Variants in VPS18 observed in about 807,000 individuals in gnomAD.
VPS18 encodes vacuolar protein sorting-associated protein 18 homolog.
Under a neutral mutation model 82.0 loss-of-function variants are expected in VPS18, and 25 were observed. The ratio of observed to expected loss-of-function variants is 0.30; its 90% confidence interval spans 0.22 to 0.43. The LOEUF (loss-of-function observed/expected upper bound fraction) is 0.43. VPS18 is among the 20% of genes least tolerant of loss of function. The pLI, the probability that VPS18 is intolerant of heterozygous loss-of-function variation, is 1.00. For missense variants in VPS18, 1,168 were observed against 1,311.1 expected, an observed-to-expected ratio of 0.89 and a Z score of 1.69; for synonymous variants, 523 against 543.0, an observed-to-expected ratio of 0.96 and a Z score of 0.51.
chr15:40,897,580 C>T (rs1250246650), intron 2 of VPS18, among the ~76,000 whole-genome samples: 3 of 152,162 alleles, frequency 2.0e-5, no homozygotes, highest in African/African-American at 7.2e-5. Flanking sequence ...CTTTATACAT[C>T]TTTGCATCGA....
At chr15:40,895,826 G>A (rs3743036) in intron 1 of VPS18, 112 bp from the exon 2 acceptor site, 1 of 1,436,648 alleles carries the variant, frequency 7.0e-7, no homozygotes. Flanking sequence ...AGGTCCTGGG[G>A]ATAGGAATAT....
At position 40,900,078 on chromosome 15, in the gene VPS18, C is replaced by G; in HGVS notation, c.1260C>G (p.Asp420Glu). Residue 420 changes from aspartate to glutamate, a missense_variant, in exon 4 of 5, where the codon GAC becomes GAG. Asp to Glu is a conservative substitution (Grantham distance 45). Around this residue, in one of 3 missense-constraint regions of VPS18, gnomAD observed 868 missense variants for 939.8 expected, o/e 0.92. Transcript: ENST00000220509. The surrounding 1 kb of genome is among the most constrained non-coding windows in gnomAD (Gnocchi z 5.4). ...AAGAGTATTGTCGAGAGCGGCCCGACTGCCTGGACACGGTCCTGGCCCGGG... is the reference window on the plus strand; with the variant it reads ...AAGAGTATTGTCGAGAGCGGCCCGAGTGCCTGGACACGGTCCTGGCCCGGG... Reference protein sequence around the residue: ...LAKEYCRERPDCLDTVLAREA... With the variant: ...LAKEYCRERPECLDTVLAREA... The G allele has an allele frequency of 6.2e-7, 1 of 1,613,894 alleles. No homozygotes were observed. The highest frequency in any genetic ancestry group is 1.1e-5 in the South Asian group (1 of 91,080).
chr15:40,895,864 G>T lies in VPS18; in HGVS notation c.92-74G>T, dbSNP rs79336396. 677 of 1,591,846 alleles carry T rather than the reference G, an allele frequency of 4.3e-4. 3 individuals are homozygous for T. Among genetic ancestry groups the T allele is most frequent in the Non-Finnish European group, 5.2e-4 (610 of 1,163,302 alleles). Reference sequence around the variant, plus strand: ...CAGGAAAGTGGCGAGGAGCACTGTGGTGTTTTTTCTGCCTCTCCTTGCCCT... The same window carrying T: ...CAGGAAAGTGGCGAGGAGCACTGTGTTGTTTTTTCTGCCTCTCCTTGCCCT... On this transcript the variant is annotated intron_variant, in intron 1 of 4. Transcript: ENST00000220509.
intron 2 of VPS18, among the ~76,000 whole-genome samples, chr15:40,897,849 C>A (rs1892255437): frequency 2.0e-5 from 3 of 152,176 alleles, no homozygotes. Context: ...TCCTTCAAGT[C>A]TGATTCTTTT....
In VPS18 at chr15:40,899,532, G is replaced by A. The variant is rs1047948125; in HGVS notation, c.714G>A (p.Gly238=). Residue 238 remains glycine (G), a synonymous_variant, in exon 4 of 5, where the codon GGG becomes GGA. Coordinates refer to ENST00000220509, the MANE Select transcript of VPS18 (RefSeq NM_020857.3). The surrounding 1 kb of genome is among the most constrained non-coding windows in gnomAD (Gnocchi z 4.4). ...LFQFIGRAAE[G]AEAQGFSGLF... Reference sequence around the variant, plus strand: ...AGTTCATAGGCCGAGCAGCAGAGGGGGCTGAGGCCCAGGGTTTCTCAGGGC... The same window carrying A: ...AGTTCATAGGCCGAGCAGCAGAGGGAGCTGAGGCCCAGGGTTTCTCAGGGC... The A allele has an allele frequency of 6.2e-7, 1 of 1,609,860 alleles. No homozygotes were observed. Among genetic ancestry groups the A allele is most frequent in the Non-Finnish European group, 8.5e-7 (1 of 1,180,022 alleles).
chr15:40,898,355 C>A (rs1179361131), intron 2 of VPS18, among the ~76,000 whole-genome samples: 1 of 151,852 alleles, frequency 6.6e-6, no homozygotes, highest in Admixed American at 6.6e-5. Context: ...CGCCTCTGTG[C>A]CCCTAAAAGC....
At position 40,902,696 on chromosome 15, in the gene VPS18, C is replaced by T. The variant is rs201535334; in HGVS notation, c.2277C>T (p.Ile759=). The T allele has an allele frequency of 1.1e-5, 18 of 1,614,280 alleles. No individual in the cohort carries two copies. The highest frequency in any genetic ancestry group is 6.7e-5 in the East Asian group (3 of 44,892). The change falls in exon 5 of 5, where the codon ATC becomes ATT. Residue 759 remains isoleucine (I), a synonymous_variant. Transcript: ENST00000220509. The surrounding 1 kb of genome is among the most constrained non-coding windows in gnomAD (Gnocchi z 4.2). ...TGCGCAAGAAGCTGTGGCTGAAGATCGCACGGCACGTGGTGCAGGAAGAGG... is the reference window on the plus strand; with the variant it reads ...TGCGCAAGAAGCTGTGGCTGAAGATTGCACGGCACGTGGTGCAGGAAGAGG... ...EELRKKLWLK[I]ARHVVQEEED...
rs1024215048 is a variant in VPS18, at chr15:40,900,626, T to C, written c.1808T>C (p.Ile603Thr). 1.9e-6 allele frequency: 3 copies of C among 1,614,034 alleles called. No homozygotes were observed. Among genetic ancestry groups the C allele is most frequent in the East Asian group, 2.2e-5 (1 of 44,866 alleles). ...TTCTACAAGTTCTCACCCATCCTCA[T>C]CCGTCACATCCCCCGCCAGCTTGTA... ...QLFYKFSPIL[I>T]RHIPRQLVDA... The change falls in exon 4 of 5, where the codon ATC (isoleucine) becomes ACC (threonine). Residue 603 changes from isoleucine (I) to threonine (T), a missense_variant. Physicochemically the swap from Ile to Thr is moderately conservative, Grantham distance 89. Coordinates refer to ENST00000220509, the MANE Select transcript of VPS18 (RefSeq NM_020857.3). The surrounding 1 kb of genome is among the most constrained non-coding windows in gnomAD (Gnocchi z 5.4).
At position 40,899,136 on chromosome 15, in the gene VPS18, C is replaced by T. The variant is rs1417718334; in HGVS notation, c.326-8C>T. ...ATCCACTGGGGCGCCATGCTCTCCC[C>T]ACTCCAGGCTCTCACCTGCTGATTG... On this transcript the variant is annotated splice_polypyrimidine_tract_variant and splice_region_variant and intron_variant, in intron 3 of 4. Transcript: ENST00000220509. The surrounding 1 kb of genome is among the most constrained non-coding windows in gnomAD (Gnocchi z 4.4). 5.6e-6 allele frequency: 9 copies of T among 1,609,452 alleles called. No individual in the cohort carries two copies. The highest frequency in any genetic ancestry group is 4.0e-5 in the African/African-American group (3 of 74,860).
Position 40,895,804 on chromosome 15 carries a change from A to G in VPS18, c.92-134A>G, listed in dbSNP as rs558348378. 4.0e-6 allele frequency: 5 copies of G among 1,249,352 alleles called. No homozygotes were observed. The African/African-American group carries it at 6.0e-5, about 15-fold the overall frequency. The allele number at this position is 1,249,352 out of a possible 1,614,324, so 77.4% of individuals were successfully genotyped here. A position where few individuals can be genotyped will look rare whatever the true frequency, so the allele number is the denominator to read the frequency against. ...CCAGCAAACGACTTGATATCAAACT[A>G]TTTGTTAACCAAGGTCCTGGGGATA... is the stretch of plus-strand genomic sequence containing the variant. On this transcript the variant is annotated intron_variant, in intron 1 of 4. Coordinates refer to ENST00000220509, the MANE Select transcript of VPS18 (RefSeq NM_020857.3).
rs1001471293 is a variant in VPS18, at chr15:40,901,354, C to T, written c.2196+340C>T. 9.9e-5 allele frequency among the ~76,000 whole-genome samples: 15 copies of T among 152,212 alleles called. No homozygotes were observed. The South Asian group carries it at 1.0e-3, about 11-fold the overall frequency. On this transcript the variant is annotated intron_variant, in intron 4 of 4. Coordinates refer to ENST00000220509, the MANE Select transcript of VPS18 (RefSeq NM_020857.3). ...GGCTTGCGCCAGCACTTTGGGAGGC[C>T]GAGGTGGGCGGATCACAAGGTCAGG... is the stretch of plus-strand genomic sequence containing the variant.
In VPS18 at chr15:40,903,084, G is replaced by C; in HGVS notation, c.2665G>C (p.Ala889Pro). Residue 889 changes from alanine to proline, a missense_variant, in exon 5 of 5, where the codon GCC becomes CCC. Transcript: ENST00000220509. ...GCAGGCTGTGCGACCTGGCCTGCCA[G>C]CCTACAAGCAGGCCCGGCTGGAGGA... ...LLQAVRPGLP[A>P]YKQARLEELQ... The C allele has an allele frequency of 6.2e-7, 1 of 1,613,982 alleles. No homozygotes were observed. Among genetic ancestry groups the C allele is most frequent in the Non-Finnish European group, 8.5e-7 (1 of 1,179,934 alleles).
At position 40,896,024 on chromosome 15, in the gene VPS18, C is replaced by G. The variant is rs746504657; in HGVS notation, c.178C>G (p.Leu60Val). 1.9e-6 allele frequency: 3 copies of G among 1,614,212 alleles called. No homozygotes were observed. In the South Asian group the frequency reaches 3.3e-5, roughly 18 times the overall value. The change falls in exon 2 of 5, where the codon CTT (leucine) becomes GTT (valine). Residue 60 changes from leucine to valine, a missense_variant. By Grantham distance (32) the Leu-to-Val change is conservative. Around this residue, in one of 3 missense-constraint regions of VPS18, gnomAD observed 868 missense variants for 939.8 expected, o/e 0.92. Coordinates refer to ENST00000220509, the MANE Select transcript of VPS18 (RefSeq NM_020857.3). ...CACCCCTTCCGAGCGCATTACCAGT[C>G]TTGTCGTCTCCAGCAATCAGCTGTG... ...DFTPSERITSLVVSSNQLCMS... is the reference protein window; with the variant it reads ...DFTPSERITSVVVSSNQLCMS...
chr15:40,899,270 T>G lies in VPS18; in HGVS notation c.452T>G (p.Leu151Arg). The change falls in exon 4 of 5, where the codon CTG becomes CGG. Residue 151 changes from leucine (L) to arginine (R), a missense_variant. Coordinates refer to ENST00000220509, the MANE Select transcript of VPS18 (RefSeq NM_020857.3). This position sits in a 1 kb window ranked among gnomAD's most constrained non-coding sequence, Gnocchi z 4.4. ...LVESVGWNKA[L>R]GTESSTGPIL... The stretch of plus-strand genomic sequence containing the variant: ...GAGAGTGTGGGTTGGAACAAGGCAC[T>G]GGGCACGGAGAGCAGCACAGGCCCC... 1 of 1,614,194 alleles carries G rather than the reference T, an allele frequency of 6.2e-7. No individual in the cohort carries two copies. The highest frequency in any genetic ancestry group is 8.5e-7 in the Non-Finnish European group (1 of 1,180,030).
chr15:40,899,680 A>T lies in VPS18; in HGVS notation c.862A>T (p.Met288Leu). The part of the protein sequence containing the change: ...RSAPRAFAWM[M>L]GDGVLYGALD... The stretch of plus-strand genomic sequence containing the variant: ...CGCACCCCGGGCCTTCGCCTGGATG[A>T]TGGGGGATGGTGTGTTGTATGGGGC... The change falls in exon 4 of 5, where the codon ATG becomes TTG. Residue 288 changes from methionine to leucine, a missense_variant. This residue lies in a region of VPS18 where 868 missense variants were observed against 939.8 expected (regional missense o/e 0.92). Coordinates refer to ENST00000220509, the MANE Select transcript of VPS18 (RefSeq NM_020857.3). This position sits in a 1 kb window ranked among gnomAD's most constrained non-coding sequence, Gnocchi z 4.4. 2 of 1,613,840 alleles carry T rather than the reference A, an allele frequency of 1.2e-6. No individual in the cohort carries two copies. Among genetic ancestry groups the T allele is most frequent in the Non-Finnish European group, 1.7e-6 (2 of 1,180,026 alleles).
chr15:40,900,771 C>T lies in VPS18; in HGVS notation c.1953C>T (p.Phe651=), dbSNP rs777900206. ...QVSQAIRYME[F]CVNVLGETEQ... ...GCCAGGCCATCCGCTACATGGAGTT[C>T]TGCGTGAACGTGCTGGGGGAGACTG... is the stretch of plus-strand genomic sequence containing the variant. Residue 651 remains phenylalanine (F), a synonymous_variant, in exon 4 of 5, where the codon TTC becomes TTT. Coordinates refer to ENST00000220509, the MANE Select transcript of VPS18 (RefSeq NM_020857.3). The surrounding 1 kb of genome is among the most constrained non-coding windows in gnomAD (Gnocchi z 5.4). The T allele has an allele frequency of 1.2e-6, 2 of 1,614,212 alleles. No individual in the cohort carries two copies. The highest frequency in any genetic ancestry group is 8.5e-7 in the Non-Finnish European group (1 of 1,180,040).
intron 1 of VPS18, 85 bp downstream of exon 1, chr15:40,894,944 G>A: frequency 7.2e-7 from 1 of 1,386,132 alleles, no homozygotes; most frequent in Non-Finnish European, 9.7e-7. Context: ...CCAAGAGCTC[G>A]GGGTCATCCC....
At chr15:40,898,444 A>G (rs1305516800) in intron 2 of VPS18, among the ~76,000 whole-genome samples, 2 of 151,042 alleles carry the variant, frequency 1.3e-5, no homozygotes, top group Admixed American at 6.6e-5. Flanking sequence ...GGGCTACTCC[A>G]TAGGCAGAGC....
At position 40,899,184 on chromosome 15, in the gene VPS18, C is replaced by T; in HGVS notation, c.366C>T (p.Leu122=). Residue 122 remains leucine, a synonymous_variant, in exon 4 of 5, where the codon CTC becomes CTT. Coordinates refer to ENST00000220509, the MANE Select transcript of VPS18 (RefSeq NM_020857.3). This position sits in a 1 kb window ranked among gnomAD's most constrained non-coding sequence, Gnocchi z 4.4. ...LLIALSSTEV[L]YVNRNGQKVR... ...TTGCCCTGAGCAGCACGGAGGTCCT[C>T]TACGTGAACCGAAATGGACAGAAGG... The T allele has an allele frequency of 6.2e-7, 1 of 1,614,168 alleles. No individual in the cohort carries two copies. Among genetic ancestry groups the T allele is most frequent in the Non-Finnish European group, 8.5e-7 (1 of 1,180,028 alleles).
Sources: allele counts gnomAD v4.1 joint callset (sites outside exome capture counted in the v4.1 genomes callset), GRCh38; gene constraint gnomAD v4.1.1; regional missense constraint gnomAD v4.1.1; non-coding constraint Gnocchi (gnomAD v3.1); transcripts MANE v1.5; gene names NCBI Gene and HGNC (gene_info 2026-07-23, HGNC 2026-07-21).